The following RBFOX1 variants were observed in gnomAD, a reference collection of about 807,000 sequenced individuals.
The protein encoded by RBFOX1 is RNA binding fox-1 homolog 1, also known as RNA binding protein fox-1 homolog 1.
Under a neutral mutation model 57.7 loss-of-function variants are expected in RBFOX1, and 8 were observed. The ratio of observed to expected loss-of-function variants is 0.14; its 90% confidence interval spans 0.08 to 0.25. The LOEUF (loss-of-function observed/expected upper bound fraction) is 0.25. Among genes scored for constraint, RBFOX1 ranks in the 10% least tolerant of loss-of-function variants. The pLI, the probability that RBFOX1 is intolerant of heterozygous loss-of-function variation, is 1.00. For missense variants in RBFOX1, 611 were observed against 548.5 expected (o/e 1.11, Z -1.14); for synonymous variants, 326 against 222.4 (o/e 1.47, Z -4.15).
intron 2 of RBFOX1, among the ~76,000 whole-genome samples, chr16:6,365,478 G>A (rs1033364476): frequency 1.3e-5 from 2 of 152,108 alleles, no homozygotes; most frequent in African/African-American, 2.4e-5. Context: ...GTGGGTGGAT[G>A]GGTAGGTGTA....
intron 3 of RBFOX1, among the ~76,000 whole-genome samples, chr16:6,971,151 T>A (rs999580429): frequency 6.6e-6 from 1 of 152,094 alleles, no homozygotes; most frequent in African/African-American, 2.4e-5. Context: ...GGTCTACTAA[T>A]ACATAGGAAG....
intron 4 of RBFOX1, among the ~76,000 whole-genome samples, chr16:7,064,457 C>G (rs761802010): frequency 3.7e-4 from 56 of 152,230 alleles, no homozygotes; most frequent in Non-Finnish European, 2.5e-4. Context: ...GTGTGAGCCA[C>G]CATGCCTGGC....
At chr16:7,599,484 T>G (rs1400257111) in intron 9 of RBFOX1, among the ~76,000 whole-genome samples, 2 of 152,186 alleles carry the variant, frequency 1.3e-5, no homozygotes, top group Non-Finnish European at 1.5e-5. Context: ...AAAGCCCATT[T>G]ATAAATAACT....
At chr16:5,395,522 C>T (rs373461401) in intron 1 of RBFOX1, among the ~76,000 whole-genome samples, 418 of 152,276 alleles carry the variant, frequency 2.7e-3, no homozygotes, top group Middle Eastern at 0.017. Flanking sequence ...GAAATTTCTT[C>T]TACTCTTTAG....
chr16:5,550,072 C>G (rs1310221459), intron 2 of RBFOX1, among the ~76,000 whole-genome samples: 1 of 152,168 alleles, frequency 6.6e-6, no homozygotes, highest in Non-Finnish European at 1.5e-5. Flanking sequence ...TAAGCAAATG[C>G]AAAATGTTAT....
At chr16:6,690,358 G>A (rs756220644) in intron 3 of RBFOX1, among the ~76,000 whole-genome samples, 3 of 151,998 alleles carry the variant, frequency 2.0e-5, no homozygotes, top group Non-Finnish European at 4.4e-5. Flanking sequence ...TTCTAGAAAA[G>A]ATAATTCACA....
At chr16:6,903,107 G>T (rs1186143125) in intron 3 of RBFOX1, among the ~76,000 whole-genome samples, 1 of 152,154 alleles carries the variant, frequency 6.6e-6, no homozygotes, top group Non-Finnish European at 1.5e-5. Flanking sequence ...AAACTTCTTG[G>T]AGGACGCGAT....
At chr16:6,913,482 C>G (rs898168394) in intron 3 of RBFOX1, among the ~76,000 whole-genome samples, 3 of 152,156 alleles carry the variant, frequency 2.0e-5, no homozygotes, top group African/African-American at 4.8e-5. Context: ...GCCTTCTTCA[C>G]ACCCCCACAA....
chr16:6,313,410 C>A (rs1300913271), intron 1 of RBFOX1, among the ~76,000 whole-genome samples: 1 of 152,172 alleles, frequency 6.6e-6, no homozygotes, highest in Non-Finnish European at 1.5e-5. Context: ...GATGGCATTG[C>A]ATTCATTGCC....
At chr16:6,437,471 G>A (rs1413166856) in intron 2 of RBFOX1, among the ~76,000 whole-genome samples, 1 of 152,080 alleles carries the variant, frequency 6.6e-6, no homozygotes, top group African/African-American at 2.4e-5. Context: ...ACAATTAAAT[G>A]TATTTCACAA....
At chr16:5,380,782 C>G (rs969390851) in intron 1 of RBFOX1, among the ~76,000 whole-genome samples, 1 of 152,204 alleles carries the variant, frequency 6.6e-6, no homozygotes, top group Non-Finnish European at 1.5e-5. Flanking sequence ...AAACCTTCAG[C>G]GCCTCTGTGA....
At chr16:5,362,318 G>T (rs1596661942) in intron 1 of RBFOX1, among the ~76,000 whole-genome samples, 1 of 152,166 alleles carries the variant, frequency 6.6e-6, no homozygotes, top group Non-Finnish European at 1.5e-5. Flanking sequence ...AGCCTCCCGA[G>T]TGTCTGGGAC....
At chr16:5,586,331 C>T (rs4786722) in intron 2 of RBFOX1, among the ~76,000 whole-genome samples, 30,264 of 152,098 alleles carry the variant, frequency 0.2, 3,560 homozygotes, top group East Asian at 0.49. Context: ...AACTAAAGTA[C>T]ATGTTTTTAA....
At chr16:7,224,629 C>T (rs950682791) in intron 4 of RBFOX1, among the ~76,000 whole-genome samples, 2 of 152,126 alleles carry the variant, frequency 1.3e-5, no homozygotes, top group African/African-American at 2.4e-5. Context: ...GAGGTAATGT[C>T]TCCAAATGGA....
At chr16:7,564,855 C>T (rs2091301683) in intron 5 of RBFOX1, among the ~76,000 whole-genome samples, 1 of 152,124 alleles carries the variant, frequency 6.6e-6, no homozygotes, top group Admixed American at 6.5e-5. Flanking sequence ...CTTCTCTGTC[C>T]TCCAGCCCTT....
intron 1 of RBFOX1, among the ~76,000 whole-genome samples, chr16:5,282,610 A>C (rs1216438952): frequency 6.6e-6 from 1 of 152,190 alleles, no homozygotes; most frequent in East Asian, 1.9e-4. Context: ...TTTAGCAAAG[A>C]GACTGGTGGC....
At chr16:7,165,900 G>C (rs1386665773) in intron 4 of RBFOX1, among the ~76,000 whole-genome samples, 1 of 147,366 alleles carries the variant, frequency 6.8e-6, no homozygotes, top group Non-Finnish European at 1.5e-5. Flanking sequence ...TGGATTCTCT[G>C]TCTCTTGCCC....
chr16:7,041,626 G>C (rs1434749137), intron 3 of RBFOX1, among the ~76,000 whole-genome samples: 1 of 152,120 alleles, frequency 6.6e-6, no homozygotes, highest in African/African-American at 2.4e-5. Context: ...GAAACAGTCA[G>C]TACCAATTTA....
At chr16:6,746,434 T>A (rs1038362733) in intron 3 of RBFOX1, among the ~76,000 whole-genome samples, 2 of 152,136 alleles carry the variant, frequency 1.3e-5, no homozygotes, top group African/African-American at 4.8e-5. Flanking sequence ...CTCAGCACTA[T>A]GGGAAGACTA....
Sources: allele counts gnomAD v4.1 joint callset (sites outside exome capture counted in the v4.1 genomes callset), GRCh38; gene constraint gnomAD v4.1.1; transcripts MANE v1.5; gene names NCBI Gene and HGNC (gene_info 2026-07-23, HGNC 2026-07-21).